Variants in LRRC4C observed in about 807,000 individuals in gnomAD.
The protein encoded by LRRC4C is leucine-rich repeat-containing protein 4C.
In LRRC4C, 5 loss-of-function variants were observed where a neutral mutation model predicts 33.6. The observed-to-expected ratio is 0.15, with a 90% CI of 0.08 to 0.31. The LOEUF is 0.31. Ranked by LOEUF, LRRC4C falls within the 10% of genes least tolerant of loss-of-function variation. The pLI, the probability that LRRC4C is intolerant of heterozygous loss-of-function variation, is 1.00. For synonymous variants in LRRC4C, 329 were observed against 302.0 expected, an observed-to-expected ratio of 1.09 and a Z score of -0.93; for missense variants, 560 against 796.7, an observed-to-expected ratio of 0.70 and a Z score of 3.58.
At chr11:41,169,916 A>C (rs1944896865) in intron 1 of LRRC4C, among the ~76,000 whole-genome samples, 1 of 152,194 alleles carries the variant, frequency 6.6e-6, no homozygotes, top group Non-Finnish European at 1.5e-5. Flanking sequence ...AAATTCCTTT[A>C]CATGGCTAAA....
intron 3 of LRRC4C, among the ~76,000 whole-genome samples, chr11:40,458,880 C>A (rs1317852864): frequency 6.6e-6 from 1 of 152,058 alleles, no homozygotes; most frequent in Non-Finnish European, 1.5e-5. Flanking sequence ...GTATATCCTA[C>A]TACAATATGT....
intron 2 of LRRC4C, among the ~76,000 whole-genome samples, chr11:40,910,542 A>C (rs1289591369): frequency 6.6e-6 from 1 of 152,230 alleles, no homozygotes; most frequent in Admixed American, 6.5e-5. Flanking sequence ...AGCCATATTC[A>C]TTAAAAATTC....
intron 1 of LRRC4C, among the ~76,000 whole-genome samples, chr11:41,147,394 C>T (rs1240662804): frequency 6.6e-6 from 1 of 152,140 alleles, no homozygotes; most frequent in African/African-American, 2.4e-5. Context: ...TAAAATTTAC[C>T]TGTATAATAA....
chr11:40,932,663 G>T (rs573245294), intron 2 of LRRC4C, among the ~76,000 whole-genome samples: 1 of 152,150 alleles, frequency 6.6e-6, no homozygotes, highest in Non-Finnish European at 1.5e-5. Flanking sequence ...AAGATAAAGA[G>T]ATATTTTAAG....
At chr11:40,774,473 T>G (rs1949896797) in intron 2 of LRRC4C, among the ~76,000 whole-genome samples, 1 of 152,108 alleles carries the variant, frequency 6.6e-6, no homozygotes, top group South Asian at 2.1e-4. Context: ...TATTCTGCAT[T>G]TGTTAGGATA....
chr11:40,690,595 A>C (rs1162251568), intron 2 of LRRC4C, among the ~76,000 whole-genome samples: 1 of 152,016 alleles, frequency 6.6e-6, no homozygotes, highest in Non-Finnish European at 1.5e-5. Context: ...AGAGATTTTT[A>C]CTTCAAAACT....
Position 40,681,690 on chromosome 11 carries a change from C to T in LRRC4C, c.-406-33412G>A, listed in dbSNP as rs756270927. 8.6e-5 allele frequency among the ~76,000 whole-genome samples: 13 copies of T among 151,984 alleles called. No homozygotes were observed. The East Asian group carries it at 1.5e-3, about 18-fold the overall frequency. The stretch of plus-strand genomic sequence containing the variant: ...TGAGGCAGGTGGACCCCTTGAGCCC[C>T]GGAGTTTGAGACCAGCCTGGGCAGC... On this transcript the variant is annotated intron_variant, in intron 2 of 6. Transcript: ENST00000528697.
intron 1 of LRRC4C, among the ~76,000 whole-genome samples, chr11:41,261,810 T>C (rs1948990649): frequency 6.6e-6 from 1 of 152,094 alleles, no homozygotes; most frequent in Non-Finnish European, 1.5e-5. Flanking sequence ...GCAGTGGAGA[T>C]CATATTCAAT....
At chr11:40,848,609 A>G (rs1953319391) in intron 2 of LRRC4C, among the ~76,000 whole-genome samples, 1 of 152,196 alleles carries the variant, frequency 6.6e-6, no homozygotes, top group South Asian at 2.1e-4. Context: ...GCTGAGAAGA[A>G]TGTATATTCT....
intron 3 of LRRC4C, among the ~76,000 whole-genome samples, chr11:40,613,041 C>A (rs1961394053): frequency 6.6e-6 from 1 of 151,880 alleles, no homozygotes; most frequent in African/African-American, 2.4e-5. Context: ...CAATTGTAAT[C>A]TTTTTGCTGG....
chr11:40,892,360 T>C (rs1283016394), intron 2 of LRRC4C, among the ~76,000 whole-genome samples: 1 of 152,022 alleles, frequency 6.6e-6, no homozygotes. Flanking sequence ...AAAAAACATG[T>C]ACATATGCAC....
intron 4 of LRRC4C, among the ~76,000 whole-genome samples, chr11:40,291,368 T>G (rs1420163714): frequency 6.6e-6 from 1 of 152,208 alleles, no homozygotes; most frequent in Non-Finnish European, 1.5e-5. Context: ...CTTCAGCTGC[T>G]TTTTCTAAGT....
chr11:40,276,922 A>T (rs925032416), intron 4 of LRRC4C, among the ~76,000 whole-genome samples: 1 of 152,098 alleles, frequency 6.6e-6, no homozygotes, highest in Non-Finnish European at 1.5e-5. Flanking sequence ...AATTTTGTTT[A>T]GTACCTTCAT....
chr11:41,354,713 C>T (rs1333183170), intron 1 of LRRC4C, among the ~76,000 whole-genome samples: 1 of 151,878 alleles, frequency 6.6e-6, no homozygotes, highest in Non-Finnish European at 1.5e-5. Context: ...TGCATTTCTA[C>T]CACCATCTAA....
intron 5 of LRRC4C, among the ~76,000 whole-genome samples, chr11:40,227,857 A>G (rs1590763477): frequency 6.6e-6 from 1 of 152,198 alleles, no homozygotes; most frequent in Non-Finnish European, 1.5e-5. Context: ...AGGAGGTGCT[A>G]TGAAGAGGAA....
intron 3 of LRRC4C, among the ~76,000 whole-genome samples, chr11:40,425,596 T>C (rs1590696012): frequency 6.6e-6 from 1 of 152,072 alleles, no homozygotes; most frequent in Non-Finnish European, 1.5e-5. Context: ...GGGTAAGAAG[T>C]TAAGAATGGA....
At chr11:41,391,461 A>T (rs115057378) in intron 1 of LRRC4C, among the ~76,000 whole-genome samples, 1,633 of 151,954 alleles carry the variant, frequency 0.011, 29 homozygotes, top group African/African-American at 0.037. Context: ...GAATACAGGA[A>T]AAAAAATGAA....
At chr11:40,592,491 C>T (rs1959103470) in intron 3 of LRRC4C, among the ~76,000 whole-genome samples, 1 of 152,196 alleles carries the variant, frequency 6.6e-6, no homozygotes, top group Non-Finnish European at 1.5e-5. Context: ...TTGAGACCCT[C>T]TAAACAATCT....
rs372986985 is a variant in LRRC4C, at chr11:41,367,465, A to T, written c.-496+91966T>A. Among the ~76,000 whole-genome samples, 5 of 152,302 alleles carry T rather than the reference A, an allele frequency of 3.3e-5. No individual in the cohort carries two copies. In the South Asian group the frequency reaches 1.0e-3, roughly 32 times the overall value. ...ACCGACCATCAAACAACACTTGGGG[A>T]TACCAGCTACACATAGTGAAAGGAC... is the stretch of plus-strand genomic sequence containing the variant. On this transcript the variant is annotated intron_variant, in intron 1 of 6. Transcript: ENST00000528697.
Sources: allele counts gnomAD v4.1 joint callset (sites outside exome capture counted in the v4.1 genomes callset), GRCh38; gene constraint gnomAD v4.1.1; transcripts MANE v1.5; gene names NCBI Gene and HGNC (gene_info 2026-07-23, HGNC 2026-07-21).